FAM13A: variants seen among roughly 807,000 people sequenced by gnomAD.
FAM13A encodes family with sequence similarity 13 member A.
In FAM13A, 76 loss-of-function variants were observed where a neutral mutation model predicts 129.6. The ratio of observed to expected loss-of-function variants is 0.59; its 90% confidence interval spans 0.49 to 0.71. FAM13A has a LOEUF of 0.71. Among genes scored for constraint, FAM13A ranks in the 30% least tolerant of loss-of-function variants. The pLI, the probability that FAM13A is intolerant of heterozygous loss-of-function variation, is 0.00. For missense variants in FAM13A, 1,108 were observed against 1,249.3 expected (o/e 0.89, Z 1.70); for synonymous variants, 443 against 449.9 (o/e 0.98, Z 0.20).
chr4:88,942,270 T>C (rs150192077), intron 4 of FAM13A, among the ~76,000 whole-genome samples: 8 of 152,264 alleles, frequency 5.3e-5, no homozygotes, highest in African/African-American at 1.9e-4. Flanking sequence ...AATTGACATT[T>C]AGAAATGTCA....
intron 4 of FAM13A, among the ~76,000 whole-genome samples, chr4:88,965,548 A>G (rs1759235598): frequency 6.7e-6 from 1 of 149,780 alleles, no homozygotes; most frequent in Non-Finnish European, 1.5e-5. Flanking sequence ...AGGCAAAACT[A>G]TCTTATATGT....
chr4:88,750,642 A>G lies in FAM13A; in HGVS notation c.1727-5T>C. 6.3e-7 allele frequency: 1 copy of G among 1,583,604 alleles called. No homozygotes were observed. ...AGGAGAAAGCAGGGATAGGCTCTGG[A>G]AGATAAGGGCAGTAAGATCAGGACT... On this transcript the variant is annotated splice_polypyrimidine_tract_variant and splice_region_variant and intron_variant, in intron 14 of 23. Transcript: ENST00000264344.
chr4:88,845,702 G>A (rs369502210), intron 7 of FAM13A, among the ~76,000 whole-genome samples: 1 of 152,182 alleles, frequency 6.6e-6, no homozygotes, highest in Non-Finnish European at 1.5e-5. Flanking sequence ...CCCTGGGGGA[G>A]AAAGGAGTGA....
chr4:88,862,220 T>A (rs1184901486), intron 6 of FAM13A, among the ~76,000 whole-genome samples: 1 of 152,182 alleles, frequency 6.6e-6, no homozygotes, highest in Non-Finnish European at 1.5e-5. Context: ...TGTTAAGTAA[T>A]GACTGTATAA....
At chr4:88,925,463 C>G (rs1395501222) in intron 5 of FAM13A, among the ~76,000 whole-genome samples, 3 of 150,260 alleles carry the variant, frequency 2.0e-5, no homozygotes, top group African/African-American at 7.4e-5. Context: ...GGACAAAAAA[C>G]CAAACACTGC....
chr4:88,945,343 C>T (rs985720928), intron 4 of FAM13A, among the ~76,000 whole-genome samples: 3 of 152,186 alleles, frequency 2.0e-5, no homozygotes, highest in African/African-American at 7.2e-5. Context: ...ATAATGCCTG[C>T]TAGCACAACC....
At chr4:88,927,431 G>GCCT (rs750469329) in intron 5 of FAM13A, among the ~76,000 whole-genome samples, 1 of 132,344 alleles carries the variant, frequency 7.6e-6, no homozygotes, top group Non-Finnish European at 1.7e-5. Context: ...CAATTTGGAT[G>GCCT]TCTTTTTTTT....
At chr4:89,053,819 T>A (rs1771895760) in intron 1 of FAM13A, among the ~76,000 whole-genome samples, 2 of 152,168 alleles carry the variant, frequency 1.3e-5, no homozygotes, top group Admixed American at 1.3e-4. Context: ...TCCTTCTTCA[T>A]CCACTAGAAT....
At chr4:88,855,143 T>A (rs1352866808) in intron 6 of FAM13A, among the ~76,000 whole-genome samples, 1 of 152,234 alleles carries the variant, frequency 6.6e-6, no homozygotes, top group Non-Finnish European at 1.5e-5. Context: ...CTTGGTTACA[T>A]GTTAAATGTT....
chr4:88,768,850 G>A (rs757337793), intron 11 of FAM13A, among the ~76,000 whole-genome samples: 4 of 152,140 alleles, frequency 2.6e-5, no homozygotes, highest in African/African-American at 4.8e-5. Flanking sequence ...ATCTTTGACT[G>A]CCTCTGTGAA....
At chr4:88,857,242 T>C (rs1738674907) in intron 6 of FAM13A, among the ~76,000 whole-genome samples, 1 of 152,232 alleles carries the variant, frequency 6.6e-6, no homozygotes, top group African/African-American at 2.4e-5. Flanking sequence ...ATCCAAGTTT[T>C]AGAGCAAGTC....
At chr4:89,025,939 A>G (rs1407772838) in intron 2 of FAM13A, among the ~76,000 whole-genome samples, 1 of 152,232 alleles carries the variant, frequency 6.6e-6, no homozygotes, top group African/African-American at 2.4e-5. Flanking sequence ...CTATATTTTT[A>G]ACCACATAAT....
At chr4:88,988,619 A>C (rs1762558143) in intron 4 of FAM13A, among the ~76,000 whole-genome samples, 1 of 152,190 alleles carries the variant, frequency 6.6e-6, no homozygotes, top group Non-Finnish European at 1.5e-5. Flanking sequence ...AAATTGTATG[A>C]CTGAAATTTT....
intron 13 of FAM13A, among the ~76,000 whole-genome samples, chr4:88,764,743 TTA>T (rs1745420399): frequency 6.6e-6 from 1 of 152,198 alleles, no homozygotes; most frequent in Non-Finnish European, 1.5e-5. Flanking sequence ...GGATATTTTA[TTA>T]AAATGTCAGC....
At chr4:88,838,524 T>C (rs896967288) in intron 7 of FAM13A, among the ~76,000 whole-genome samples, 1 of 151,580 alleles carries the variant, frequency 6.6e-6, no homozygotes, top group Non-Finnish European at 1.5e-5. Flanking sequence ...GATCACGAGG[T>C]CAGGAGATGG....
intron 21 of FAM13A, among the ~76,000 whole-genome samples, chr4:88,734,628 C>T (rs1052043086): frequency 6.6e-6 from 1 of 152,208 alleles, no homozygotes; most frequent in East Asian, 1.9e-4. Context: ...GTGATCTGTT[C>T]CCTTGGGGAC....
chr4:88,863,486 T>C (rs998232734), intron 6 of FAM13A, among the ~76,000 whole-genome samples: 5 of 152,210 alleles, frequency 3.3e-5, no homozygotes, highest in African/African-American at 1.2e-4. Context: ...CTTTTCTAAG[T>C]TCTGTGAACT....
At chr4:88,918,691 G>A (rs983896952) in intron 5 of FAM13A, among the ~76,000 whole-genome samples, 1 of 152,198 alleles carries the variant, frequency 6.6e-6, no homozygotes, top group Non-Finnish European at 1.5e-5. Flanking sequence ...AAAATACATG[G>A]AGTGAAAATA....
intron 3 of FAM13A, among the ~76,000 whole-genome samples, chr4:89,013,397 A>G (rs1011491869): frequency 6.6e-6 from 1 of 151,582 alleles, no homozygotes; most frequent in South Asian, 2.1e-4. Context: ...TGAATTATGA[A>G]AAAATAAGTT....
Sources: allele counts gnomAD v4.1 joint callset (sites outside exome capture counted in the v4.1 genomes callset), GRCh38; gene constraint gnomAD v4.1.1; transcripts MANE v1.5; gene names NCBI Gene and HGNC (gene_info 2026-07-23, HGNC 2026-07-21).